The following ZNF385D variants were observed in gnomAD, a reference collection of about 807,000 sequenced individuals.
ZNF385D encodes zinc finger protein 659.
ZNF385D carries 15 observed loss-of-function variants against 35.8 expected under a neutral mutation model. That is an observed-to-expected ratio of 0.42 (90% CI 0.28 to 0.64). The LOEUF is 0.64. Among genes scored for constraint, ZNF385D ranks in the 30% least tolerant of loss-of-function variants. ZNF385D has a pLI of 0.23. For synonymous variants in ZNF385D, 212 were observed against 186.8 expected (o/e 1.13, Z -1.10); for missense variants, 474 against 494.6 (o/e 0.96, Z 0.39).
chr3:22,134,743 T>A (rs777101380), intron 3 of ZNF385D, among the ~76,000 whole-genome samples: 1 of 152,126 alleles, frequency 6.6e-6, no homozygotes, highest in Non-Finnish European at 1.5e-5. Flanking sequence ...TGAGGGTCCA[T>A]AGCTGGCAAG....
rs376579254 is a variant in ZNF385D, at chr3:21,828,609, G to C, written c.326-163581C>G. Among the ~76,000 whole-genome samples, 33 of 152,282 alleles carry C rather than the reference G, an allele frequency of 2.2e-4. No individual in the cohort carries two copies. The East Asian group carries it at 2.9e-3, about 13-fold the overall frequency. The stretch of plus-strand genomic sequence containing the variant: ...TGGCTACCTACTGTGTGTCAGGCAG[G>C]TATGGATAGTATGGATTCAGCAGAG... On this transcript the variant is annotated intron_variant, in intron 3 of 5. Coordinates refer to the ZNF385D transcript ENST00000494108.
intron 3 of ZNF385D, among the ~76,000 whole-genome samples, chr3:21,840,294 A>G (rs1353573902): frequency 1.3e-5 from 2 of 152,118 alleles, no homozygotes; most frequent in Non-Finnish European, 2.9e-5. Flanking sequence ...AGACAAATTC[A>G]GACTTCAAAG....
intron 2 of ZNF385D, among the ~76,000 whole-genome samples, chr3:22,365,576 A>G (rs1696620786): frequency 6.6e-6 from 1 of 152,130 alleles, no homozygotes; most frequent in South Asian, 2.1e-4. Flanking sequence ...GTATGAAACA[A>G]AGGAAAACAT....
chr3:21,832,473 T>A (rs569521177), intron 3 of ZNF385D, among the ~76,000 whole-genome samples: 1 of 152,312 alleles, frequency 6.6e-6, no homozygotes, highest in South Asian at 2.1e-4. Context: ...TACATTCTCA[T>A]GGATCAGCAA....
At chr3:22,026,197 A>T (rs1171990886) in intron 3 of ZNF385D, among the ~76,000 whole-genome samples, 1 of 152,226 alleles carries the variant, frequency 6.6e-6, no homozygotes, top group Non-Finnish European at 1.5e-5. Flanking sequence ...TCAAATGGAC[A>T]GAAGACTAAT....
At chr3:21,711,991 G>A (rs904191602) in intron 1 of ZNF385D, among the ~76,000 whole-genome samples, 1 of 152,146 alleles carries the variant, frequency 6.6e-6, no homozygotes, top group Non-Finnish European at 1.5e-5. Context: ...TCCTATAGCT[G>A]ATTATAACAA....
intron 2 of ZNF385D, among the ~76,000 whole-genome samples, chr3:22,350,380 T>C (rs188615140): frequency 6.6e-6 from 1 of 152,146 alleles, no homozygotes; most frequent in African/African-American, 2.4e-5. Flanking sequence ...ATGTGTTTAA[T>C]TACTCACCTT....
intron 3 of ZNF385D, among the ~76,000 whole-genome samples, chr3:22,146,194 T>C (rs2125711774): frequency 6.6e-6 from 1 of 152,306 alleles, no homozygotes; most frequent in East Asian, 1.9e-4. Context: ...AGTAGCAAAG[T>C]TTCATTTGTA....
intron 3 of ZNF385D, among the ~76,000 whole-genome samples, chr3:21,838,121 C>T (rs1695441144): frequency 1.3e-5 from 2 of 151,944 alleles, no homozygotes; most frequent in Admixed American, 6.6e-5. Context: ...CAATGAATTC[C>T]CAGAGTAACA....
At chr3:22,304,965 T>A (rs1045386246) in intron 2 of ZNF385D, among the ~76,000 whole-genome samples, 11 of 152,136 alleles carry the variant, frequency 7.2e-5, no homozygotes, top group African/African-American at 2.7e-4. Context: ...CAGTATTATT[T>A]CTATTTTTCT....
At chr3:22,329,812 A>G (rs1449737934) in intron 2 of ZNF385D, among the ~76,000 whole-genome samples, 1 of 152,210 alleles carries the variant, frequency 6.6e-6, no homozygotes, top group Non-Finnish European at 1.5e-5. Context: ...TATATACACA[A>G]TATTACTTTA....
chr3:21,578,575 TTTATC>T (rs1360028432), intron 2 of ZNF385D, among the ~76,000 whole-genome samples: 1 of 152,194 alleles, frequency 6.6e-6, no homozygotes, highest in Non-Finnish European at 1.5e-5. Flanking sequence ...CCCTGTATCA[TTTATC>T]TAAGAGACTG....
intron 4 of ZNF385D, among the ~76,000 whole-genome samples, chr3:21,459,601 C>T (rs369577239): frequency 2.0e-4 from 31 of 152,174 alleles, no homozygotes; most frequent in African/African-American, 6.3e-4. Context: ...CCAGTCAGGA[C>T]ATGCTCTACC....
chr3:21,717,489 C>G (rs146669752), intron 1 of ZNF385D, among the ~76,000 whole-genome samples: 1 of 152,126 alleles, frequency 6.6e-6, no homozygotes, highest in African/African-American at 2.4e-5. Flanking sequence ...TGTAATCTTG[C>G]CAAAATACAA....
At chr3:22,031,302 T>A (rs1018795701) in intron 3 of ZNF385D, among the ~76,000 whole-genome samples, 1 of 152,220 alleles carries the variant, frequency 6.6e-6, no homozygotes, top group Non-Finnish European at 1.5e-5. Context: ...CATATTGCCC[T>A]AGTAGAGGTT....
chr3:22,208,957 T>C (rs1052853573), intron 2 of ZNF385D, among the ~76,000 whole-genome samples: 5 of 151,812 alleles, frequency 3.3e-5, no homozygotes, highest in African/African-American at 4.8e-5. Context: ...TGTTGCCAGT[T>C]TATATTTCCA....
intron 2 of ZNF385D, among the ~76,000 whole-genome samples, chr3:21,641,331 G>T (rs1180883909): frequency 1.3e-5 from 2 of 151,808 alleles, no homozygotes; most frequent in Non-Finnish European, 2.9e-5. Context: ...TTGGTGAAGA[G>T]GAATAGGAGG....
intron 1 of ZNF385D, among the ~76,000 whole-genome samples, chr3:21,701,293 G>A (rs1174189593): frequency 8.0e-5 from 1 of 12,544 alleles, no homozygotes; most frequent in African/African-American, 3.9e-4. Flanking sequence ...CATGTTGGTG[G>A]CAAGAGAAAA....
intron 3 of ZNF385D, among the ~76,000 whole-genome samples, chr3:21,821,653 G>C (rs1180550393): frequency 1.3e-5 from 2 of 152,052 alleles, no homozygotes; most frequent in African/African-American, 4.8e-5. Context: ...AAATCACAAG[G>C]GGACTTGATT....
Sources: gnomAD v4.1 joint callset for allele counts (sites outside exome capture counted in the v4.1 genomes callset) on GRCh38, gnomAD v4.1.1 for gene constraint, MANE v1.5 for transcripts, NCBI Gene and HGNC (gene_info 2026-07-23, HGNC 2026-07-21) for gene names.